The following BRMS1L variants were observed in gnomAD, a reference collection of about 807,000 sequenced individuals.
BRMS1L encodes breast cancer metastasis-suppressor 1-like protein.
BRMS1L carries 23 observed loss-of-function variants against 50.3 expected under a neutral mutation model. The observed-to-expected ratio is 0.46, with a 90% CI of 0.33 to 0.65. The LOEUF (loss-of-function observed/expected upper bound fraction) is 0.65, where lower values mean the gene tolerates loss of function less well. Ranked by LOEUF, BRMS1L falls within the 30% of genes least tolerant of loss-of-function variation. The pLI is 0.02. For synonymous variants in BRMS1L, 114 were observed against 126.9 expected (o/e 0.90, Z 0.69); for missense variants, 286 against 386.1 (o/e 0.74, Z 2.17).
intron 4 of BRMS1L, among the ~76,000 whole-genome samples, chr14:35,854,802 C>T (rs988356504): frequency 6.6e-6 from 1 of 152,238 alleles, no homozygotes; most frequent in African/African-American, 2.4e-5. Context: ...TGTAGCTCCT[C>T]AGTCTCTGCT....
At chr14:35,870,311 TGAG>T (rs1594353890) in intron 9 of BRMS1L, 46 bp from the exon 10 acceptor site, 3 of 1,168,654 alleles carry the variant, frequency 2.6e-6, no homozygotes, top group Middle Eastern at 4.5e-4. Flanking sequence ...TAAAGTGAAT[TGAG>T]GAGACATTGT....
chr14:35,835,534 A>C (rs1011531677), intron 4 of BRMS1L, among the ~76,000 whole-genome samples: 3 of 152,162 alleles, frequency 2.0e-5, no homozygotes, highest in African/African-American at 4.8e-5. Context: ...ATGGGTTAAA[A>C]TATTTATAGC....
At chr14:35,850,939 T>C (rs1212444152) in intron 4 of BRMS1L, among the ~76,000 whole-genome samples, 1 of 152,226 alleles carries the variant, frequency 6.6e-6, no homozygotes, top group Non-Finnish European at 1.5e-5. Flanking sequence ...CAACTAATCC[T>C]AGACCCACCC....
At chr14:35,836,348 CTTTTG>C (rs1253820889) in intron 4 of BRMS1L, among the ~76,000 whole-genome samples, 1 of 151,788 alleles carries the variant, frequency 6.6e-6, no homozygotes, top group East Asian at 1.9e-4. Flanking sequence ...GTTTTGTTTT[CTTTTG>C]TTTTGAGACA....
At chr14:35,868,100 A>G (rs1349125476) in intron 9 of BRMS1L, 68 bp downstream of exon 9, 1 of 1,466,260 alleles carries the variant, frequency 6.8e-7, no homozygotes, top group Non-Finnish European at 9.1e-7. Flanking sequence ...TCAGTGAAAT[A>G]TTTCCTGCCT....
intron 8 of BRMS1L, among the ~76,000 whole-genome samples, chr14:35,867,095 G>A (rs1462762160): frequency 1.3e-5 from 2 of 152,114 alleles, no homozygotes; most frequent in Non-Finnish European, 1.5e-5. Context: ...TTTGTTGAAT[G>A]AATGAATGAA....
At chr14:35,865,697 C>CT in intron 7 of BRMS1L, 25 bp from the exon 8 acceptor site, 1 of 1,455,634 alleles carries the variant, frequency 6.9e-7, no homozygotes, top group South Asian at 1.2e-5. Flanking sequence ...TTCTTTCTTC[C>CT]TCTTTTTTTT....
intron 1 of BRMS1L, chr14:35,829,745 C>A: frequency 1.2e-6 from 1 of 833,130 alleles, no homozygotes; most frequent in Non-Finnish European, 1.7e-6. Context: ...ATGAGTCAGC[C>A]TTCCATGTTA....
chr14:35,850,727 T>G (rs1379970575), intron 4 of BRMS1L, among the ~76,000 whole-genome samples: 1 of 152,256 alleles, frequency 6.6e-6, no homozygotes, highest in East Asian at 1.9e-4. Context: ...GTTTAAGTCT[T>G]TAATCTGCTT....
At chr14:35,867,690 G>GT (rs369784953) in intron 8 of BRMS1L, 62 of 299,358 alleles carry the variant, frequency 2.1e-4, no homozygotes, top group African/African-American at 1.2e-3. Context: ...ATTGTTCATT[G>GT]TTTAGCTTTG....
intron 6 of BRMS1L, 74 bp from the exon 7 acceptor site, chr14:35,864,861 C>A: frequency 9.4e-7 from 1 of 1,061,264 alleles, no homozygotes; most frequent in Non-Finnish European, 1.4e-6. Flanking sequence ...GTTCCATTTT[C>A]TGAAATGTAG....
At chr14:35,859,224 G>A (rs535621327) in intron 4 of BRMS1L, among the ~76,000 whole-genome samples, 1 of 152,022 alleles carries the variant, frequency 6.6e-6, no homozygotes, top group Non-Finnish European at 1.5e-5. Flanking sequence ...GAGTATAGGC[G>A]TGAGCCACCG....
intron 4 of BRMS1L, among the ~76,000 whole-genome samples, chr14:35,847,798 C>T (rs2078156935): frequency 6.6e-6 from 1 of 152,224 alleles, no homozygotes; most frequent in African/African-American, 2.4e-5. Context: ...ATACCTCACA[C>T]AAGTGGTATC....
intron 4 of BRMS1L, among the ~76,000 whole-genome samples, chr14:35,859,346 C>T (rs868761010): frequency 6.6e-6 from 1 of 152,188 alleles, no homozygotes; most frequent in Non-Finnish European, 1.5e-5. Context: ...TCTTTCCTGT[C>T]TGAAAACATC....
chr14:35,869,864 AT>A (rs2142067514), intron 9 of BRMS1L, among the ~76,000 whole-genome samples: 1 of 152,186 alleles, frequency 6.6e-6, no homozygotes, highest in East Asian at 1.9e-4. Context: ...TAAACAAAAA[AT>A]AAATAATTAA....
chr14:35,853,526 G>T (rs1269147511), intron 4 of BRMS1L, among the ~76,000 whole-genome samples: 1 of 151,602 alleles, frequency 6.6e-6, no homozygotes, highest in Non-Finnish European at 1.5e-5. Flanking sequence ...CAGTCCTCTT[G>T]CCCCAGCCTC....
intron 4 of BRMS1L, among the ~76,000 whole-genome samples, chr14:35,843,198 C>A (rs897823753): frequency 1.3e-5 from 2 of 152,228 alleles, no homozygotes; most frequent in South Asian, 4.1e-4. Flanking sequence ...CAAGCTCATT[C>A]TCTGTCCAGT....
chr14:35,828,010 T>A lies in BRMS1L; in HGVS notation c.142+1352T>A, dbSNP rs1430550191. ...ACAGGAAAGTATAGATGTGAGTGAT[T>A]TCAAAGAAAGCACAAAACAGGATTG... On this transcript the variant is annotated intron_variant, in intron 1 of 9. Coordinates refer to ENST00000216807, the MANE Select transcript of BRMS1L (RefSeq NM_032352.4). 3.4e-4 allele frequency among the ~76,000 whole-genome samples: 51 copies of A among 152,088 alleles called. 1 individual carries two copies. The highest frequency in any genetic ancestry group is 3.3e-3 in the Admixed American group (51 of 15,264).
At chr14:35,841,790 A>T (rs578008931) in intron 4 of BRMS1L, among the ~76,000 whole-genome samples, 7 of 152,250 alleles carry the variant, frequency 4.6e-5, no homozygotes, top group Admixed American at 1.3e-4. Flanking sequence ...AAAGTCTCTC[A>T]CTATTACTGT....
Sources: gnomAD v4.1 joint callset for allele counts (sites outside exome capture counted in the v4.1 genomes callset) on GRCh38, gnomAD v4.1.1 for gene constraint, MANE v1.5 for transcripts, NCBI Gene and HGNC (gene_info 2026-07-23, HGNC 2026-07-21) for gene names.